The following C5orf34 variants were observed in gnomAD, a reference collection of about 807,000 sequenced individuals.
C5orf34 encodes the protein uncharacterized protein C5orf34.
C5orf34 carries 73 observed loss-of-function variants against 78.4 expected under a neutral mutation model. The ratio of observed to expected loss-of-function variants is 0.93; its 90% confidence interval spans 0.77 to 1.13. C5orf34 has a LOEUF of 1.13. Ranked by LOEUF, C5orf34 falls within the 50% of genes most tolerant of loss-of-function variation. The pLI is 0.00. For missense variants in C5orf34, 730 were observed against 732.7 expected, an observed-to-expected ratio of 1.00 and a Z score of 0.04; for synonymous variants, 251 against 246.6, an observed-to-expected ratio of 1.02 and a Z score of -0.17.
Position 43,493,557 on chromosome 5 carries a change from A to T in C5orf34, c.1300T>A (p.Cys434Ser). Residue 434 changes from cysteine (C) to serine (S), a missense_variant, in exon 8 of 13, where the codon TGC becomes AGC. Transcript: ENST00000306862. ...TTTTAACATACCATTTTCCAGCAGC[A>T]TATACGATAGTTATGGCTTAAAGAA... is the stretch of plus-strand genomic sequence containing the variant. ...RLSLSHNYRI[C>S]CWKMVPGIND... The T allele has an allele frequency of 6.4e-7, 1 of 1,565,880 alleles. No homozygotes were observed. The highest frequency in any genetic ancestry group is 1.2e-5 in the South Asian group (1 of 86,728).
chr5:43,490,542 G>T, intron 11 of C5orf34, 89 bp downstream of exon 11: 1 of 800,348 alleles, frequency 1.2e-6, no homozygotes, highest in Non-Finnish European at 2.0e-6. Flanking sequence ...GTTTTTTTGG[G>T]GAAAAAAGTC....
intron 5 of C5orf34, 56 bp from the exon 6 acceptor site, chr5:43,502,551 A>C: frequency 4.0e-6 from 4 of 1,010,130 alleles, no homozygotes; most frequent in Non-Finnish European, 3.0e-6. Flanking sequence ...TAAAACATGC[A>C]TGAAGATAGT....
At chr5:43,512,760 C>CTTTTTTTTTTTTTTT (rs58813772) in intron 1 of C5orf34, among the ~76,000 whole-genome samples, 2 of 72,880 alleles carry the variant, frequency 2.7e-5, no homozygotes, top group African/African-American at 1.1e-4. Context: ...CCCACCTTGT[C>CTTTTTTTTTTTTTTT]TTTTTTTTTT....
Position 43,505,776 on chromosome 5 carries a change from G to T in C5orf34, c.904C>A (p.Leu302Ile). The T allele has an allele frequency of 6.3e-7, 1 of 1,592,356 alleles. No individual in the cohort carries two copies. ...TGTAGGTGTGGGACTGGACAGCTGA[G>T]TGACAGGGCCCTGGGAAGAACAGAA... ...VVSVLPRALS[L>I]SCPVPHLHRW... The change falls in exon 4 of 13, where the codon CTC becomes ATC. Residue 302 changes from leucine to isoleucine, a missense_variant. Physicochemically the swap from Leu to Ile is conservative, Grantham distance 5 (BLOSUM62 2). Transcript: ENST00000306862.
intron 6 of C5orf34, chr5:43,495,057 GTA>G: frequency 6.9e-7 from 1 of 1,457,794 alleles, no homozygotes; most frequent in Non-Finnish European, 9.6e-7. Flanking sequence ...TGGGTGGCAG[GTA>G]TTAGGGATAA....
intron 4 of C5orf34, 57 bp from the exon 5 acceptor site, chr5:43,503,817 G>A: frequency 8.7e-7 from 1 of 1,146,054 alleles, no homozygotes. Context: ...ATTGTCTTTA[G>A]AAGTCAACAA....
At chr5:43,498,380 TAAGA>T (rs1420194313) in intron 6 of C5orf34, among the ~76,000 whole-genome samples, 3 of 152,170 alleles carry the variant, frequency 2.0e-5, no homozygotes, top group Non-Finnish European at 4.4e-5. Flanking sequence ...ATCTTACAAT[TAAGA>T]GTGTCTTATA....
intron 10 of C5orf34, among the ~76,000 whole-genome samples, 166 bp downstream of exon 10, chr5:43,492,049 G>A (rs1436373433): frequency 1.3e-5 from 2 of 148,500 alleles, no homozygotes; most frequent in Non-Finnish European, 1.5e-5. Context: ...ATTTAGTTAT[G>A]CTAAACACAA....
At chr5:43,502,256 A>G (rs1393083307) in intron 6 of C5orf34, 116 bp downstream of exon 6, 1 of 971,486 alleles carries the variant, frequency 1.0e-6, no homozygotes, top group Non-Finnish European at 1.6e-6. Context: ...AATACTCCAG[A>G]CTGGGGAGTA....
At chr5:43,501,483 A>G (rs1328198436) in intron 6 of C5orf34, among the ~76,000 whole-genome samples, 1 of 152,234 alleles carries the variant, frequency 6.6e-6, no homozygotes, top group East Asian at 1.9e-4. Flanking sequence ...AATAGGCCCC[A>G]GTTGGGAATC....
chr5:43,512,948 C>A (rs1164625743), intron 1 of C5orf34, among the ~76,000 whole-genome samples: 5 of 151,646 alleles, frequency 3.3e-5, no homozygotes. Context: ...ACGCCTGGCT[C>A]ATTTTTTGTA....
intron 5 of C5orf34, 22 bp downstream of exon 5, chr5:43,503,643 G>C (rs749967646): frequency 1.0e-5 from 15 of 1,487,394 alleles, no homozygotes; most frequent in Non-Finnish European, 1.4e-5. Flanking sequence ...CTCCAACATA[G>C]AAGCCAACAT....
intron 10 of C5orf34, among the ~76,000 whole-genome samples, chr5:43,491,270 G>T (rs961257271): frequency 6.6e-6 from 1 of 152,114 alleles, no homozygotes; most frequent in Non-Finnish European, 1.5e-5. Flanking sequence ...AGAAATGTTT[G>T]CTAAAGAAAC....
intron 1 of C5orf34, among the ~76,000 whole-genome samples, chr5:43,513,970 G>A (rs1470594173): frequency 6.6e-6 from 1 of 152,140 alleles, no homozygotes; most frequent in Non-Finnish European, 1.5e-5. Context: ...AGTATCTCTG[G>A]CATCTAAAAC....
chr5:43,492,164 G>T lies in C5orf34; in HGVS notation c.1580+51C>A, dbSNP rs555450932. 12 of 1,213,766 alleles carry T rather than the reference G, an allele frequency of 9.9e-6. No individual in the cohort carries two copies. In the South Asian group the frequency reaches 1.3e-4, roughly 13 times the overall value. 75.2% of individuals were successfully genotyped at this position (1,213,766 alleles called of 1,614,324 possible). A position where few individuals can be genotyped will look rare whatever the true frequency, so the allele number is the denominator to read the frequency against. On this transcript the variant is annotated intron_variant, in intron 10 of 12. Coordinates refer to ENST00000306862, the MANE Select transcript of C5orf34 (RefSeq NM_198566.4). ...AAATAATGCTTATTGCTTATTCTCT[G>T]TTAGTTAAAAGTAAAACATAAAAAT...
intron 4 of C5orf34, among the ~76,000 whole-genome samples, chr5:43,504,524 T>G (rs1745899903): frequency 6.6e-6 from 1 of 152,140 alleles, no homozygotes; most frequent in Admixed American, 6.5e-5. Flanking sequence ...GAAGTTAGGT[T>G]TAAGCTGAAA....
chr5:43,509,005 T>A, intron 2 of C5orf34, 140 bp downstream of exon 2: 1 of 658,766 alleles, frequency 1.5e-6, no homozygotes, highest in South Asian at 2.0e-5. Flanking sequence ...AAAAGGAGGC[T>A]GAGGCAGGAG....
At chr5:43,507,946 C>T (rs1044492940) in intron 3 of C5orf34, among the ~76,000 whole-genome samples, 12 of 152,090 alleles carry the variant, frequency 7.9e-5, no homozygotes, top group East Asian at 3.9e-4. Context: ...GGTGTGGTGG[C>T]GGGTGCCTGT....
intron 11 of C5orf34, among the ~76,000 whole-genome samples, chr5:43,489,283 C>G (rs1745180274): frequency 1.3e-5 from 2 of 151,966 alleles, no homozygotes; most frequent in South Asian, 4.1e-4. Flanking sequence ...ACTTAGGTAG[C>G]TTTTTATTGT....
Sources: gnomAD v4.1 joint callset for allele counts (sites outside exome capture counted in the v4.1 genomes callset) on GRCh38, gnomAD v4.1.1 for gene constraint, MANE v1.5 for transcripts, NCBI Gene and HGNC (gene_info 2026-07-23, HGNC 2026-07-21) for gene names.